The following CUL1 variants were observed in gnomAD, a reference collection of about 807,000 sequenced individuals.
CUL1 encodes cullin 1, also known as cullin-1.
A neutral mutation model predicts 118.0 loss-of-function variants in CUL1; 24 were observed. That is an observed-to-expected ratio of 0.20 (90% CI 0.15 to 0.29). The LOEUF (loss-of-function observed/expected upper bound fraction) is 0.29. CUL1 is among the 10% of genes least tolerant of loss of function. CUL1 has a pLI of 1.00. For missense variants in CUL1, 361 were observed against 933.8 expected, an observed-to-expected ratio of 0.39 and a Z score of 7.99; for synonymous variants, 332 against 340.4, an observed-to-expected ratio of 0.98 and a Z score of 0.27.
intron 1 of CUL1, among the ~76,000 whole-genome samples, chr7:148,704,018 A>G (rs2129458804): frequency 6.6e-6 from 1 of 152,342 alleles, no homozygotes; most frequent in Non-Finnish European, 1.5e-5. Flanking sequence ...GTACTTTAGA[A>G]TAATAAAACT....
chr7:148,727,493 A>G (rs888916803), intron 1 of CUL1, among the ~76,000 whole-genome samples: 1 of 152,130 alleles, frequency 6.6e-6, no homozygotes, highest in African/African-American at 2.4e-5. Flanking sequence ...CAGGCTCTGT[A>G]TGAGGTTCTC....
intron 9 of CUL1, chr7:148,783,292 C>A: frequency 1.0e-6 from 1 of 981,200 alleles, no homozygotes; most frequent in Non-Finnish European, 1.2e-6. Context: ...GGCATCGCCA[C>A]GCGGATCCGC....
At chr7:148,729,048 A>G (rs972807108) in intron 1 of CUL1, among the ~76,000 whole-genome samples, 1 of 152,246 alleles carries the variant, frequency 6.6e-6, no homozygotes, top group Admixed American at 6.5e-5. Context: ...TGTGACGTAC[A>G]TAGGTAGTCC....
intron 1 of CUL1, among the ~76,000 whole-genome samples, chr7:148,723,867 G>A (rs1188451730): frequency 6.6e-6 from 1 of 151,264 alleles, no homozygotes; most frequent in East Asian, 1.9e-4. Context: ...CTCAAGATAC[G>A]TTCAGGAAAA....
In CUL1 at chr7:148,800,434, C is replaced by T; in HGVS notation, c.2251-68C>T. The T allele has an allele frequency of 7.6e-7, 1 of 1,309,232 alleles. No homozygotes were observed. The highest frequency in any genetic ancestry group is 1.9e-4 in the Middle Eastern group (1 of 5,366). 81.1% of individuals were successfully genotyped at this position (1,309,232 alleles called of 1,614,324 possible). ...GATTTGTGGTGGGGGCAGCCTCTCT[C>T]TGTTCTGATGATAATTTGTGTTTTT... On this transcript the variant is annotated intron_variant, in intron 21 of 21. Coordinates refer to ENST00000325222, the MANE Select transcript of CUL1 (RefSeq NM_003592.3). This position sits in a 1 kb window ranked among gnomAD's most constrained non-coding sequence, Gnocchi z 4.6.
At position 148,754,647 on chromosome 7, in the gene CUL1, A is replaced by G. The variant is rs185825651; in HGVS notation, c.315+497A>G. Among the ~76,000 whole-genome samples, 9 of 152,308 alleles carry G rather than the reference A, an allele frequency of 5.9e-5. No individual in the cohort carries two copies. In the East Asian group the frequency reaches 1.3e-3, roughly 23 times the overall value. On this transcript the variant is annotated intron_variant, in intron 3 of 21. Coordinates refer to ENST00000325222, the MANE Select transcript of CUL1 (RefSeq NM_003592.3). ...CTGTGAACCCAATGTGGTGTTCCCT[A>G]TCAAGGTGTAGAAATAATTGTAAGG...
chr7:148,699,113 G>C (rs919898177), intron 1 of CUL1, 84 bp downstream of exon 1: 2 of 153,200 alleles, frequency 1.3e-5, no homozygotes, highest in Non-Finnish European at 2.9e-5. Flanking sequence ...CGGTGTCGCA[G>C]TGACTCGGGC....
At chr7:148,750,470 C>T (rs556532843) in intron 2 of CUL1, among the ~76,000 whole-genome samples, 2 of 152,162 alleles carry the variant, frequency 1.3e-5, no homozygotes, top group South Asian at 4.2e-4. Flanking sequence ...CCACGACAGG[C>T]CCTGGTGTGT....
upstream of CUL1, chr7:148,698,440 G>C (rs1464919427): frequency 2.0e-5 from 3 of 152,206 alleles, no homozygotes; most frequent in Non-Finnish European, 4.4e-5. Flanking sequence ...GGTCCTCCGC[G>C]GCGGTCCCAA....
chr7:148,722,840 T>G (rs1031725548), intron 1 of CUL1, among the ~76,000 whole-genome samples: 1 of 152,358 alleles, frequency 6.6e-6, no homozygotes, highest in African/African-American at 2.4e-5. Flanking sequence ...ACAGTGCCCC[T>G]TGATTGAGAA....
chr7:148,760,572 A>T (rs117370222), intron 7 of CUL1, 76 bp downstream of exon 7: 1 of 1,051,072 alleles, frequency 9.5e-7, no homozygotes. Flanking sequence ...TTTAGCATAT[A>T]CAGCTTTCTT....
chr7:148,750,800 G>A (rs985472430), intron 2 of CUL1, among the ~76,000 whole-genome samples: 3 of 152,078 alleles, frequency 2.0e-5, no homozygotes, highest in Admixed American at 2.0e-4. Context: ...AAAATCCTAA[G>A]GCCCTTAAGA....
chr7:148,776,141 C>T (rs890900218), intron 9 of CUL1, among the ~76,000 whole-genome samples: 4 of 148,486 alleles, frequency 2.7e-5, no homozygotes, highest in South Asian at 2.1e-4. Flanking sequence ...ACACCTCTAC[C>T]GAGTGTTACT....
intron 2 of CUL1, among the ~76,000 whole-genome samples, chr7:148,732,629 A>T (rs947905121): frequency 2.0e-5 from 3 of 151,964 alleles, no homozygotes; most frequent in Middle Eastern, 3.4e-3. Flanking sequence ...GTGAGCCACC[A>T]CGTCCAGCCT....
chr7:148,701,830 T>G (rs1437873364), intron 1 of CUL1, among the ~76,000 whole-genome samples: 1 of 152,230 alleles, frequency 6.6e-6, no homozygotes, highest in African/African-American at 2.4e-5. Flanking sequence ...CCTTAAAAAC[T>G]TAGGAACTTG....
chr7:148,714,643 G>A (rs370930983), intron 1 of CUL1, among the ~76,000 whole-genome samples: 18 of 152,308 alleles, frequency 1.2e-4, no homozygotes, highest in African/African-American at 3.6e-4. Context: ...GTAGTGATAG[G>A]TGTGGTATTT....
intron 9 of CUL1, among the ~76,000 whole-genome samples, chr7:148,781,294 G>A (rs1370417207): frequency 6.6e-6 from 1 of 151,926 alleles, no homozygotes; most frequent in Non-Finnish European, 1.5e-5. Flanking sequence ...TGTTGGCCAG[G>A]CTGGTCTAGA....
intron 3 of CUL1, among the ~76,000 whole-genome samples, chr7:148,756,137 T>A (rs980618101): frequency 6.6e-6 from 1 of 152,270 alleles, no homozygotes; most frequent in African/African-American, 2.4e-5. Context: ...TGTGGAAATC[T>A]GGATAAAAAT....
intron 3 of CUL1, among the ~76,000 whole-genome samples, chr7:148,755,700 AT>A (rs1305174652): frequency 6.6e-6 from 1 of 152,214 alleles, no homozygotes; most frequent in African/African-American, 2.4e-5. Flanking sequence ...ATATTTTTGC[AT>A]TTTAAAAAGG....
Sources: allele counts gnomAD v4.1 joint callset (sites outside exome capture counted in the v4.1 genomes callset), GRCh38; gene constraint gnomAD v4.1.1; non-coding constraint Gnocchi (gnomAD v3.1); transcripts MANE v1.5; gene names NCBI Gene and HGNC (gene_info 2026-07-23, HGNC 2026-07-21).